The following AGXT2 variants were observed in gnomAD, a reference collection of about 807,000 sequenced individuals.
AGXT2 encodes alanine--glyoxylate aminotransferase 2, mitochondrial.
AGXT2 carries 61 observed loss-of-function variants against 62.5 expected under a neutral mutation model. That is an observed-to-expected ratio of 0.98 (90% confidence interval 0.79 to 1.21). AGXT2 has a LOEUF of 1.21. Among genes scored for constraint, AGXT2 ranks in the 50% most tolerant of loss-of-function variants. The pLI is 0.00. For missense variants in AGXT2, 666 were observed against 641.5 expected (o/e 1.04, Z -0.41); for synonymous variants, 243 against 218.7 (o/e 1.11, Z -0.98).
At chr5:35,041,223 C>CGAA (rs70973023) in intron 1 of AGXT2, among the ~76,000 whole-genome samples, 6 of 51,402 alleles carry the variant, frequency 1.2e-4, no homozygotes, top group Non-Finnish European at 2.0e-4. Context: ...CTCCCCCCGC[C>CGAA]AAAAAAAAAA....
chr5:35,029,315 C>A (rs1386491037), intron 7 of AGXT2, among the ~76,000 whole-genome samples: 1 of 152,140 alleles, frequency 6.6e-6, no homozygotes, highest in African/African-American at 2.4e-5. Context: ...TTTAACAAGC[C>A]CATTTGTAAC....
At chr5:35,026,604 A>C (rs552852241) in intron 7 of AGXT2, 94 bp from the exon 8 acceptor site, 110 of 1,207,110 alleles carry the variant, frequency 9.1e-5, no homozygotes, top group East Asian at 3.5e-4. Context: ...GAAAAAAAAA[A>C]AACAACCAGA....
intron 9 of AGXT2, among the ~76,000 whole-genome samples, chr5:35,023,525 C>T (rs143234560): frequency 1.9e-3 from 282 of 152,344 alleles, no homozygotes; most frequent in Non-Finnish European, 3.2e-3. Flanking sequence ...CCTTTGAATT[C>T]AGCCTACCTT....
At chr5:35,039,581 C>T in intron 2 of AGXT2, 73 bp from the exon 3 acceptor site, 1 of 1,512,410 alleles carries the variant, frequency 6.6e-7, no homozygotes, top group Non-Finnish European at 9.1e-7. Context: ...AGTAACAGAG[C>T]CCAGGCTCTC....
At chr5:35,000,447 C>G (rs1185129800) in intron 13 of AGXT2, among the ~76,000 whole-genome samples, 2 of 152,178 alleles carry the variant, frequency 1.3e-5, no homozygotes, top group Non-Finnish European at 2.9e-5. Flanking sequence ...GTGGCACAAT[C>G]TCGGCTCACT....
At chr5:34,999,694 T>C (rs1347689159) in intron 13 of AGXT2, among the ~76,000 whole-genome samples, 1 of 152,166 alleles carries the variant, frequency 6.6e-6, no homozygotes, top group African/African-American at 2.4e-5. Flanking sequence ...ACTCAACTCC[T>C]GCGCCTCTCC....
chr5:35,047,842 G>C lies in AGXT2; in HGVS notation c.51C>G (p.Ser17=), dbSNP rs144847973. Reference sequence around the variant, plus strand: ...GATGCATCTCAAGGATCCTGGGAGCGGAAGTGACCAGGCACAAGGGTCTCA... The same window carrying C: ...GATGCATCTCAAGGATCCTGGGAGCCGAAGTGACCAGGCACAAGGGTCTCA... ...HLLRPLCLVT[S]APRILEMHPF... is the part of the protein sequence containing the mutation. The change falls in exon 1 of 14, where the codon TCC becomes TCG. Residue 17 remains serine (S), a synonymous_variant. Coordinates refer to ENST00000231420, the MANE Select transcript of AGXT2 (RefSeq NM_031900.4). The C allele has an allele frequency of 2.5e-6, 4 of 1,613,898 alleles. No individual in the cohort carries two copies. The African/African-American group carries it at 5.3e-5, about 22-fold the overall frequency.
intron 7 of AGXT2, among the ~76,000 whole-genome samples, chr5:35,029,149 A>G (rs237552): frequency 0.94 from 142,808 of 152,262 alleles, 67,440 homozygotes; most frequent in Non-Finnish European, 1. Flanking sequence ...TTTTGGCATC[A>G]CTTGTGTTGT....
Position 35,041,223 on chromosome 5 carries a change from C to CGAAAA in AGXT2, c.89-561_89-560insTTTTC, listed in dbSNP as rs70973023. Among the ~76,000 whole-genome samples the CGAAAA allele has an allele frequency of 3.3e-4, 17 of 51,402 alleles. 2 individuals are homozygous for CGAAAA. The highest frequency in any genetic ancestry group is 4.0e-4 in the Non-Finnish European group (12 of 30,138). The allele number at this position is 51,402 out of a possible 152,430, so 33.7% of individuals were successfully genotyped here. On this transcript the variant is annotated intron_variant, in intron 1 of 13. Transcript: ENST00000231420. ...CCCAGAAGACAAAACCTCCCCCCGC[C>CGAAAA]AAAAAAAAAAAAAAAAAAAGGCTGC... is the stretch of plus-strand genomic sequence containing the variant.
chr5:35,010,984 G>A (rs530281755), intron 11 of AGXT2, among the ~76,000 whole-genome samples: 9 of 152,238 alleles, frequency 5.9e-5, no homozygotes, highest in Non-Finnish European at 1.2e-4. Flanking sequence ...GATATAAAAG[G>A]ATTTTTACCT....
chr5:35,035,456 C>G (rs1767726638), intron 4 of AGXT2, 140 bp from the exon 5 acceptor site: 2 of 725,300 alleles, frequency 2.8e-6, no homozygotes, highest in African/African-American at 3.4e-5. Context: ...CCCAGCAGTT[C>G]CATCATTTAA....
intron 9 of AGXT2, among the ~76,000 whole-genome samples, chr5:35,020,525 C>G (rs547769164): frequency 0.091 from 13,855 of 151,860 alleles, 780 homozygotes; most frequent in South Asian, 0.15. Context: ...ATTCAACAAC[C>G]CTTCATGCTA....
intron 7 of AGXT2, among the ~76,000 whole-genome samples, chr5:35,030,707 T>C (rs1007414342): frequency 6.6e-6 from 1 of 152,148 alleles, no homozygotes; most frequent in African/African-American, 2.4e-5. Flanking sequence ...GTGTCTCTTC[T>C]ATGTGGAAAG....
chr5:35,011,958 G>C (rs34186735), intron 11 of AGXT2, among the ~76,000 whole-genome samples: 2 of 133,310 alleles, frequency 1.5e-5, no homozygotes, highest in Non-Finnish European at 1.7e-5. Flanking sequence ...ACACACACAC[G>C]CCATGGAATA....
chr5:35,007,528 G>A (rs1467749734), intron 12 of AGXT2, among the ~76,000 whole-genome samples: 2 of 152,148 alleles, frequency 1.3e-5, no homozygotes, highest in Non-Finnish European at 2.9e-5. Context: ...ATATAGAGGG[G>A]AGAATACTGT....
Position 35,032,829 on chromosome 5 carries a change from CA to C in AGXT2, c.676-5del. ...GAAAAACATCTGGACACATTGTCTGCAAATGACAAAAGAAGGAGTGTGGCAA... is the reference window on the plus strand; with the variant it reads ...GAAAAACATCTGGACACATTGTCTGCAATGACAAAAGAAGGAGTGTGGCAA... On this transcript the variant is annotated splice_region_variant and splice_polypyrimidine_tract_variant and intron_variant, in intron 6 of 13. Coordinates refer to ENST00000231420, the MANE Select transcript of AGXT2 (RefSeq NM_031900.4). The C allele has an allele frequency of 6.3e-7, 1 of 1,597,152 alleles. No homozygotes were observed.
At chr5:35,033,378 T>C in intron 6 of AGXT2, 82 bp downstream of exon 6, 1 of 1,125,536 alleles carries the variant, frequency 8.9e-7, no homozygotes, top group Non-Finnish European at 1.4e-6. Context: ...TAGTTTCTAA[T>C]CCTTATACCA....
chr5:35,031,159 G>A (rs1179348263), intron 7 of AGXT2, among the ~76,000 whole-genome samples: 2 of 152,170 alleles, frequency 1.3e-5, no homozygotes, highest in African/African-American at 4.8e-5. Flanking sequence ...GGATGAGGAT[G>A]GCTATAGGAA....
At chr5:35,013,639 G>A (rs1214629559) in intron 10 of AGXT2, among the ~76,000 whole-genome samples, 2 of 152,136 alleles carry the variant, frequency 1.3e-5, no homozygotes, top group African/African-American at 2.4e-5. Context: ...AAAATTAGCT[G>A]GGCGTGGTGG....
Sources: gnomAD v4.1 joint callset for allele counts (sites outside exome capture counted in the v4.1 genomes callset) on GRCh38, gnomAD v4.1.1 for gene constraint, MANE v1.5 for transcripts, NCBI Gene and HGNC (gene_info 2026-07-23, HGNC 2026-07-21) for gene names.